MAEA: variants seen among roughly 807,000 people sequenced by gnomAD.
MAEA encodes macrophage erythroblast attacher, E3 ubiquitin ligase.
Under a neutral mutation model 46.2 loss-of-function variants are expected in MAEA, and 22 were observed. The ratio of observed to expected loss-of-function variants is 0.48; its 90% CI spans 0.34 to 0.68. The LOEUF (loss-of-function observed/expected upper bound fraction) is 0.68, where lower values mean the gene tolerates loss of function less well. Among genes scored for constraint, MAEA ranks in the 30% least tolerant of loss-of-function variants. MAEA has a pLI of 0.01. For missense variants in MAEA, 393 were observed against 558.1 expected (o/e 0.70, Z 2.98); for synonymous variants, 246 against 222.6 (o/e 1.11, Z -0.94).
chr4:1,325,176 C>G (rs554727044), intron 4 of MAEA, among the ~76,000 whole-genome samples: 2 of 152,140 alleles, frequency 1.3e-5, no homozygotes, highest in African/African-American at 2.4e-5. Flanking sequence ...TCCCTGGGAC[C>G]AGCTGTGAGA....
At chr4:1,302,560 A>T (rs533501843) in intron 1 of MAEA, among the ~76,000 whole-genome samples, 75 of 152,354 alleles carry the variant, frequency 4.9e-4, no homozygotes, top group African/African-American at 1.6e-3. Flanking sequence ...GCTCACTGCA[A>T]GCTCCGCTTC....
chr4:1,328,585 C>T (rs955214980), intron 5 of MAEA: 11 of 1,176,018 alleles, frequency 9.4e-6, no homozygotes, highest in Non-Finnish European at 1.1e-5. Context: ...GGAGGGGGCA[C>T]CTGTCCATGC....
chr4:1,310,756 C>T (rs1052180322), intron 1 of MAEA, among the ~76,000 whole-genome samples: 22 of 152,328 alleles, frequency 1.4e-4, no homozygotes, highest in Admixed American at 1.3e-3. Flanking sequence ...GGGGCCAGGC[C>T]GAGTGGGGAG....
At chr4:1,337,238 C>T (rs145150255) in intron 7 of MAEA, 111 of 539,610 alleles carry the variant, frequency 2.1e-4, no homozygotes, top group African/African-American at 1.8e-3. Context: ...TCTCAGAGGC[C>T]GCCATGGGCA....
In MAEA at chr4:1,289,922, G is replaced by C. The variant is rs376851044; in HGVS notation, c.9G>C (p.Val3=). Residue 3 remains valine, a synonymous_variant, in exon 1 of 9, where the codon GTG becomes GTC. Transcript: ENST00000303400. ...GTTTTGGCCGCTTCAAGATGGCGGT[G>C]CAGGAGTCGGCGGCTCAGTTGTCCA... MA[V]QESAAQLSMT... The C allele has an allele frequency of 1.3e-6, 2 of 1,599,956 alleles. No individual in the cohort carries two copies. Among genetic ancestry groups the C allele is most frequent in the Non-Finnish European group, 1.7e-6 (2 of 1,172,768 alleles).
chr4:1,338,851 G>A (rs1713161472), intron 8 of MAEA: 11 of 649,800 alleles, frequency 1.7e-5, no homozygotes, highest in East Asian at 2.7e-5. Flanking sequence ...GGACAGGGCT[G>A]TCCTCTCGCC....
intron 4 of MAEA, among the ~76,000 whole-genome samples, chr4:1,323,235 G>A (rs796791005): frequency 4.0e-4 from 61 of 152,198 alleles, no homozygotes; most frequent in African/African-American, 1.2e-3. Flanking sequence ...GTGAGCCACC[G>A]TGCCCGGCCG....
At chr4:1,329,304 T>C in intron 5 of MAEA, 2 of 983,088 alleles carry the variant, frequency 2.0e-6, no homozygotes, top group Non-Finnish European at 1.2e-6. Flanking sequence ...TTTGCCTGTG[T>C]TCCCCCCGCT....
intron 4 of MAEA, chr4:1,323,513 G>A (rs564665902): frequency 4.1e-4 from 291 of 702,560 alleles, no homozygotes; most frequent in South Asian, 3.3e-3. Context: ...AAACAAGCAC[G>A]AAGCAAAGAC....
chr4:1,330,329 CG>C (rs1188701765), intron 5 of MAEA: 20 of 66,874 alleles, frequency 3.0e-4, no homozygotes, highest in African/African-American at 1.4e-3. Context: ...TCTCTCTTTC[CG>C]TGTGTGTGTG....
chr4:1,312,403 G>A, intron 2 of MAEA: 1 of 512,476 alleles, frequency 2.0e-6, no homozygotes, highest in South Asian at 2.4e-5. Context: ...GGGAGACCAG[G>A]ATGTATAGCA....
intron 4 of MAEA, among the ~76,000 whole-genome samples, chr4:1,327,113 G>A (rs959896734): frequency 6.6e-6 from 1 of 152,272 alleles, no homozygotes; most frequent in Non-Finnish European, 1.5e-5. Context: ...CGGGGCATCA[G>A]CGCCTCGGGA....
intron 5 of MAEA, chr4:1,331,384 A>G (rs115741288): frequency 6.6e-6 from 1 of 151,902 alleles, no homozygotes; most frequent in African/African-American, 2.4e-5. Flanking sequence ...CTGGGTCCCA[A>G]GCGTGGACGC....
intron 1 of MAEA, chr4:1,309,820 A>T: frequency 7.3e-7 from 1 of 1,370,168 alleles, no homozygotes; most frequent in Non-Finnish European, 9.5e-7. Context: ...TGTCTGCAGC[A>T]CACCAGCTGC....
At chr4:1,321,605 C>T (rs1738114151) in intron 3 of MAEA, among the ~76,000 whole-genome samples, 2 of 152,344 alleles carry the variant, frequency 1.3e-5, no homozygotes, top group Admixed American at 6.5e-5. Context: ...TGAACTGTGG[C>T]CTCATCCTGG....
intron 1 of MAEA, among the ~76,000 whole-genome samples, chr4:1,304,850 T>C (rs1053681324): frequency 6.6e-6 from 1 of 152,204 alleles, no homozygotes; most frequent in Admixed American, 6.5e-5. Flanking sequence ...TACTAGAAAA[T>C]TTGAAACTCT....
intron 1 of MAEA, among the ~76,000 whole-genome samples, chr4:1,301,167 T>G (rs73071916): frequency 0.02 from 2,992 of 152,336 alleles, 110 homozygotes; most frequent in African/African-American, 0.067. Context: ...GATGACACAC[T>G]GAAATGCGTT....
At chr4:1,314,621 A>G (rs12642410) in intron 2 of MAEA, among the ~76,000 whole-genome samples, 51,936 of 152,124 alleles carry the variant, frequency 0.34, 10,618 homozygotes, top group Non-Finnish European at 0.46. Context: ...TTCAGAACTG[A>G]TGAGTACCAC....
intron 3 of MAEA, among the ~76,000 whole-genome samples, chr4:1,321,867 TTTGTTG>T (rs1253730212): frequency 1.4e-5 from 2 of 141,040 alleles, no homozygotes; most frequent in Non-Finnish European, 3.0e-5. Context: ...CTCTGTTTTT[TTTGTTG>T]TTTTTTTTTT....
Sources: gnomAD v4.1 joint callset for allele counts (sites outside exome capture counted in the v4.1 genomes callset) on GRCh38, gnomAD v4.1.1 for gene constraint, MANE v1.5 for transcripts, NCBI Gene and HGNC (gene_info 2026-07-23, HGNC 2026-07-21) for gene names.